Variants in GRM1 observed in about 807,000 individuals in gnomAD.
The protein encoded by GRM1 is glutamate metabotropic receptor 1.
In GRM1, 33 loss-of-function variants were observed where a neutral mutation model predicts 90.9. The observed-to-expected ratio is 0.36, with a 90% confidence interval of 0.28 to 0.49. GRM1 has a LOEUF of 0.49. Ranked by LOEUF, GRM1 falls within the 20% of genes least tolerant of loss-of-function variation. The pLI is 0.99. For synonymous variants in GRM1, 700 were observed against 613.2 expected (o/e 1.14, Z -2.09); for missense variants, 1,190 against 1,534.3 (o/e 0.78, Z 3.75).
At chr6:146,070,528 C>A (rs1009766446) in intron 1 of GRM1, among the ~76,000 whole-genome samples, 6 of 152,058 alleles carry the variant, frequency 3.9e-5, no homozygotes, top group African/African-American at 1.4e-4. Context: ...GCATCTCCCA[C>A]GTAGTTTTGG....
At chr6:146,432,191 C>T (rs936983034) in intron 7 of GRM1, among the ~76,000 whole-genome samples, 8 of 152,144 alleles carry the variant, frequency 5.3e-5, no homozygotes, top group African/African-American at 1.7e-4. Flanking sequence ...CAGAGATGAG[C>T]TTTGTCTTAG....
intron 4 of GRM1, among the ~76,000 whole-genome samples, chr6:146,355,991 G>C (rs139844107): frequency 6.6e-6 from 1 of 152,306 alleles, no homozygotes; most frequent in East Asian, 1.9e-4. Context: ...CCACTTTGCA[G>C]AACTAGTAAG....
chr6:146,195,185 AAACAGG>A (rs1779073059), intron 2 of GRM1, among the ~76,000 whole-genome samples: 1 of 152,234 alleles, frequency 6.6e-6, no homozygotes, highest in South Asian at 2.1e-4. Flanking sequence ...CTAGAAGTAA[AAACAGG>A]AACAGGAAGC....
chr6:146,156,963 T>A (rs1777546919), intron 1 of GRM1, among the ~76,000 whole-genome samples: 1 of 152,190 alleles, frequency 6.6e-6, no homozygotes, highest in African/African-American at 2.4e-5. Context: ...TTCAAATATG[T>A]TAAAGTGTCT....
chr6:146,430,909 A>G (rs1172447505), intron 7 of GRM1, among the ~76,000 whole-genome samples: 3 of 152,238 alleles, frequency 2.0e-5, no homozygotes, highest in Non-Finnish European at 4.4e-5. Context: ...ACATACATTT[A>G]AAAACAGCAG....
intron 1 of GRM1, among the ~76,000 whole-genome samples, chr6:146,094,355 A>G (rs1409125711): frequency 6.6e-6 from 1 of 152,070 alleles, no homozygotes; most frequent in African/African-American, 2.4e-5. Context: ...GGTCAGGGGC[A>G]TAGCTTTTCC....
chr6:146,325,258 A>G (rs1245142011), intron 3 of GRM1, among the ~76,000 whole-genome samples: 1 of 152,214 alleles, frequency 6.6e-6, no homozygotes, highest in Non-Finnish European at 1.5e-5. Flanking sequence ...GAGTTTATAC[A>G]TAGTCCACCC....
chr6:146,431,763 A>G (rs1271003816), intron 7 of GRM1, among the ~76,000 whole-genome samples: 1 of 152,224 alleles, frequency 6.6e-6, no homozygotes, highest in East Asian at 1.9e-4. Context: ...GATGCAAATT[A>G]TTGAGTTGGA....
chr6:146,362,892 A>G (rs362906), intron 5 of GRM1, among the ~76,000 whole-genome samples: 4 of 152,092 alleles, frequency 2.6e-5, no homozygotes, highest in Non-Finnish European at 4.4e-5. Context: ...AATCAAAGCA[A>G]AGGGAACATG....
At chr6:146,082,216 T>G (rs1012713728) in intron 1 of GRM1, among the ~76,000 whole-genome samples, 4 of 152,118 alleles carry the variant, frequency 2.6e-5, no homozygotes, top group African/African-American at 9.7e-5. Context: ...AGTGTGGTGG[T>G]GCAACCTCGG....
chr6:146,281,127 T>C (rs1562579034), intron 2 of GRM1, among the ~76,000 whole-genome samples: 1 of 152,190 alleles, frequency 6.6e-6, no homozygotes, highest in Non-Finnish European at 1.5e-5. Context: ...GAAGAATTAT[T>C]TTCTCATTAG....
chr6:146,122,145 A>G (rs1776013955), intron 1 of GRM1, among the ~76,000 whole-genome samples: 1 of 152,168 alleles, frequency 6.6e-6, no homozygotes, highest in African/African-American at 2.4e-5. Flanking sequence ...GGATATATTT[A>G]TTTTTTAACT....
At chr6:146,039,944 A>C (rs1791034823) in intron 1 of GRM1, among the ~76,000 whole-genome samples, 1 of 152,046 alleles carries the variant, frequency 6.6e-6, no homozygotes, top group Non-Finnish European at 1.5e-5. Flanking sequence ...ATTGGACAAT[A>C]AAGTCAAGGG....
intron 2 of GRM1, among the ~76,000 whole-genome samples, chr6:146,241,191 A>T (rs1320550754): frequency 6.6e-6 from 1 of 152,134 alleles, no homozygotes; most frequent in Non-Finnish European, 1.5e-5. Flanking sequence ...GATCATTCTT[A>T]TGGAGGAAAG....
chr6:146,331,916 G>A (rs895753185), intron 3 of GRM1, among the ~76,000 whole-genome samples: 10 of 152,158 alleles, frequency 6.6e-5, no homozygotes, highest in Admixed American at 5.9e-4. Flanking sequence ...GGCCTTCGGA[G>A]TGAAACTATC....
chr6:146,077,525 G>A (rs542630341), intron 1 of GRM1, among the ~76,000 whole-genome samples: 10 of 152,052 alleles, frequency 6.6e-5, no homozygotes, highest in South Asian at 4.1e-4. Context: ...AGAGTGGTGT[G>A]GTAGAACAAG....
chr6:146,188,186 C>A (rs1037102311), intron 2 of GRM1, among the ~76,000 whole-genome samples: 2 of 152,248 alleles, frequency 1.3e-5, no homozygotes, highest in South Asian at 2.1e-4. Context: ...ATAGCCTTTT[C>A]TCTGATTTTC....
Position 146,398,823 on chromosome 6 carries a change from T to C in GRM1, c.1784T>C (p.Ile595Thr), listed in dbSNP as rs1473124806. The C allele has an allele frequency of 1.9e-6, 3 of 1,613,832 alleles. No individual in the cohort carries two copies. Among genetic ancestry groups the C allele is most frequent in the East Asian group, 2.2e-5 (1 of 44,876 alleles). ...GAGTGGAGCAACATCGAATCCATTA[T>C]AGCCATCGCCTTTTCATGCCTGGGA... Reference protein sequence around the residue: ...YLEWSNIESIIAIAFSCLGIL... With the variant: ...YLEWSNIESITAIAFSCLGIL... Residue 595 changes from isoleucine (I) to threonine (T), a missense_variant, in exon 7 of 8, where the codon ATA becomes ACA. This residue lies in a region of GRM1 where 414 missense variants were observed against 598.4 expected (regional missense o/e 0.69). Coordinates refer to ENST00000282753, the MANE Select transcript of GRM1 (RefSeq NM_001278064.2).
At chr6:146,406,520 G>A (rs1274019128) in intron 7 of GRM1, among the ~76,000 whole-genome samples, 1 of 152,102 alleles carries the variant, frequency 6.6e-6, no homozygotes, top group Admixed American at 6.6e-5. Context: ...CTGTAAGTAG[G>A]TGCCCTTTGT....
Sources: gnomAD v4.1 joint callset for allele counts (sites outside exome capture counted in the v4.1 genomes callset) on GRCh38, gnomAD v4.1.1 for gene constraint, gnomAD v4.1.1 regional missense constraint, MANE v1.5 for transcripts, NCBI Gene and HGNC (gene_info 2026-07-23, HGNC 2026-07-21) for gene names.